DTNA: variants seen among roughly 807,000 people sequenced by gnomAD.
DTNA encodes dystrophin-related protein 3.
A neutral mutation model predicts 100.7 loss-of-function variants in DTNA; 43 were observed. The ratio of observed to expected loss-of-function variants is 0.43; its 90% CI spans 0.33 to 0.55. DTNA has a LOEUF of 0.55. DTNA is among the 20% of genes least tolerant of loss of function. The probability of loss-of-function intolerance (pLI) is 0.04; values close to 1 mark genes in which losing one functional copy is unlikely to be tolerated. For missense variants in DTNA, 798 were observed against 953.9 expected (o/e 0.84, Z 2.15); for synonymous variants, 349 against 347.9 (o/e 1.00, Z -0.04).
In DTNA at chr18:34,869,877, C is replaced by T. The variant is rs369884807; in HGVS notation, c.1744-5362C>T. 1.6e-3 allele frequency among the ~76,000 whole-genome samples: 240 copies of T among 152,194 alleles called. 2 individuals are homozygous for T. The highest frequency in any genetic ancestry group is 5.4e-3 in the African/African-American group (224 of 41,534). ...TCTACTAAAAATACAAAAAATTAGC[C>T]GGGCGTGGTGGCAGGCGCCTGTAGT... On this transcript the variant is annotated intron_variant, in intron 17 of 22. Coordinates refer to ENST00000444659, the MANE Select transcript of DTNA (RefSeq NM_001386795.1).
At chr18:34,877,246 G>A (rs1284959210) in intron 18 of DTNA, among the ~76,000 whole-genome samples, 1 of 152,190 alleles carries the variant, frequency 6.6e-6, no homozygotes, top group Non-Finnish European at 1.5e-5. Flanking sequence ...GACAGCGCAT[G>A]TCCTAGTAGA....
At chr18:34,585,156 G>A (rs191470625) in intron 1 of DTNA, among the ~76,000 whole-genome samples, 2 of 151,978 alleles carry the variant, frequency 1.3e-5, no homozygotes, top group Non-Finnish European at 2.9e-5. Flanking sequence ...GAAAAACAAA[G>A]AATTCAGGGA....
intron 1 of DTNA, among the ~76,000 whole-genome samples, chr18:34,698,318 T>C (rs1489333947): frequency 6.6e-6 from 1 of 152,184 alleles, no homozygotes; most frequent in African/African-American, 2.4e-5. Context: ...TGTCATAGCT[T>C]TGTAGGCAAA....
intron 1 of DTNA, among the ~76,000 whole-genome samples, chr18:34,713,781 T>A (rs1256625467): frequency 6.6e-6 from 1 of 152,096 alleles, no homozygotes; most frequent in Non-Finnish European, 1.5e-5. Flanking sequence ...AATGTTTGTA[T>A]CCTCTTTTAT....
At chr18:34,632,641 C>G (rs866354596) in intron 1 of DTNA, among the ~76,000 whole-genome samples, 1 of 152,116 alleles carries the variant, frequency 6.6e-6, no homozygotes, top group African/African-American at 2.4e-5. Flanking sequence ...GTAGCTTATC[C>G]TAATTGTTCA....
At chr18:34,773,103 C>T (rs1382097430) in intron 3 of DTNA, among the ~76,000 whole-genome samples, 4 of 152,166 alleles carry the variant, frequency 2.6e-5, no homozygotes, top group Admixed American at 2.6e-4. Context: ...TTATGACTAG[C>T]CAGAGAAGTC....
intron 1 of DTNA, among the ~76,000 whole-genome samples, chr18:34,582,075 TAAGGCCAAGTTCAAATTG>T (rs146392689): frequency 0.1 from 15,642 of 152,202 alleles, 1,169 homozygotes; most frequent in African/African-American, 0.21. Context: ...TAATGATTTT[TAAGGCCAAGTTCAAATTG>T]AAATTCTCCT....
At chr18:34,574,046 C>A in intron 1 of DTNA, 1 of 154,894 alleles carries the variant, frequency 6.5e-6, no homozygotes, top group East Asian at 1.9e-4. Flanking sequence ...TCTGCCAGTT[C>A]TTCTAGAGCA....
chr18:34,792,493 T>C (rs537090270), intron 3 of DTNA, among the ~76,000 whole-genome samples: 2 of 152,290 alleles, frequency 1.3e-5, no homozygotes, highest in East Asian at 3.9e-4. Flanking sequence ...GCTTATTAGG[T>C]ATATAGCCAG....
At chr18:34,527,980 AGTT>A (rs1475600229) in intron 1 of DTNA, among the ~76,000 whole-genome samples, 2 of 152,052 alleles carry the variant, frequency 1.3e-5, no homozygotes, top group African/African-American at 2.4e-5. Context: ...CTGCAACATC[AGTT>A]GTTTTCTCTT....
intron 3 of DTNA, among the ~76,000 whole-genome samples, chr18:34,777,073 C>A (rs1320582441): frequency 1.3e-5 from 2 of 152,194 alleles, no homozygotes; most frequent in African/African-American, 2.4e-5. Context: ...TTCCCCTATC[C>A]GCCTTGTCCT....
chr18:34,551,027 A>T (rs1248616365), intron 1 of DTNA, among the ~76,000 whole-genome samples: 2 of 152,116 alleles, frequency 1.3e-5, no homozygotes, highest in Non-Finnish European at 2.9e-5. Context: ...TTTAATCCAG[A>T]TTGCCCTTAT....
At position 34,812,077 on chromosome 18, in the gene DTNA, C is replaced by T; in HGVS notation, c.567C>T (p.Tyr189=). ...TTTTTGAAGGTCCTTCATTTGGTTA[C>T]ACAGAACAGTCAGCCAGATCCTGTT... ...TAVFEGPSFG[Y]TEQSARSCFS... The change falls in exon 6 of 23, where the codon TAC becomes TAT. Residue 189 remains tyrosine (Y), a synonymous_variant. Coordinates refer to ENST00000444659, the MANE Select transcript of DTNA (RefSeq NM_001386795.1). 6.2e-7 allele frequency: 1 copy of T among 1,614,048 alleles called. No individual in the cohort carries two copies. The highest frequency in any genetic ancestry group is 8.5e-7 in the Non-Finnish European group (1 of 1,179,946).
chr18:34,530,771 A>C (rs953384666), intron 1 of DTNA, among the ~76,000 whole-genome samples: 8 of 152,152 alleles, frequency 5.3e-5, no homozygotes, highest in African/African-American at 1.9e-4. Context: ...GCCAGAATTC[A>C]AACCAAAGCT....
chr18:34,596,769 A>G (rs16965602), intron 1 of DTNA, among the ~76,000 whole-genome samples: 2,172 of 152,252 alleles, frequency 0.014, 47 homozygotes, highest in African/African-American at 0.05. Flanking sequence ...GATATATTCA[A>G]ACTTTTTGGA....
upstream of DTNA, among the ~76,000 whole-genome samples, chr18:34,707,543 A>G (rs1469174472): frequency 6.6e-6 from 1 of 152,150 alleles, no homozygotes; most frequent in African/African-American, 2.4e-5. Context: ...ATCATATTAA[A>G]TGCTCTAGTA....
chr18:34,713,515 A>G (rs2083313116), intron 1 of DTNA, among the ~76,000 whole-genome samples: 1 of 151,920 alleles, frequency 6.6e-6, no homozygotes, highest in South Asian at 2.1e-4. Flanking sequence ...TACCAGTACC[A>G]TGCTGTTTTG....
chr18:34,863,937 G>T (rs958916814), intron 16 of DTNA, 29 bp from the exon 17 acceptor site: 4 of 1,586,702 alleles, frequency 2.5e-6, no homozygotes. Context: ...GTTGCATGCC[G>T]CTTCTGATGT....
At chr18:34,851,769 C>A in intron 14 of DTNA, 62 bp from the exon 15 acceptor site, 1 of 1,544,178 alleles carries the variant, frequency 6.5e-7, no homozygotes, top group Non-Finnish European at 8.9e-7. Flanking sequence ...ATGACTCCTG[C>A]CTTCCCAAAT....
Sources: gnomAD v4.1 joint callset for allele counts (sites outside exome capture counted in the v4.1 genomes callset) on GRCh38, gnomAD v4.1.1 for gene constraint, MANE v1.5 for transcripts, NCBI Gene and HGNC (gene_info 2026-07-23, HGNC 2026-07-21) for gene names.